The following NLGN4Y variants were observed in gnomAD, a reference collection of about 807,000 sequenced individuals.
The protein encoded by NLGN4Y is neuroligin-4, Y-linked.
In NLGN4Y, 4 loss-of-function variants were observed where a neutral mutation model predicts 8.4. The ratio of observed to expected loss-of-function variants is 0.48; its 90% CI spans 0.23 to 1.09. NLGN4Y has a LOEUF of 1.09. NLGN4Y is among the 50% of genes least tolerant of loss of function. NLGN4Y has a pLI of 0.19. For missense variants in NLGN4Y, 90 were observed against 192.3 expected, an observed-to-expected ratio of 0.47 and a Z score of 3.15; for synonymous variants, 35 against 75.6, an observed-to-expected ratio of 0.46 and a Z score of 2.78.
At chrY:14,650,285 A>G in intron 2 of NLGN4Y, among the ~76,000 whole-genome samples, 1 of 33,098 alleles carries the variant, frequency 3.0e-5, no homozygotes, top group Non-Finnish European at 7.4e-5. Context: ...GGAGTTCAAC[A>G]CCAGCCTGGG....
intron 2 of NLGN4Y, among the ~76,000 whole-genome samples, chrY:14,699,141 A>G: frequency 3.0e-5 from 1 of 32,871 alleles, no homozygotes; most frequent in South Asian, 7.0e-4. Flanking sequence ...TACTACCTAA[A>G]TACTATGTTG....
intron 4 of NLGN4Y, among the ~76,000 whole-genome samples, chrY:14,733,755 A>C (rs2080982668): frequency 3.0e-5 from 1 of 33,054 alleles, no homozygotes; most frequent in Non-Finnish European, 7.4e-5. Flanking sequence ...TCACTGCTCC[A>C]CCCCTCACAG....
At chrY:14,759,052 G>A in intron 4 of NLGN4Y, among the ~76,000 whole-genome samples, 1 of 33,346 alleles carries the variant, frequency 3.0e-5, no homozygotes, top group Non-Finnish European at 7.4e-5. Context: ...AATTTATAGA[G>A]ATAATTCAAA....
intron 6 of NLGN4Y, among the ~76,000 whole-genome samples, chrY:14,833,723 C>T (rs1456702138): frequency 8.7e-4 from 29 of 33,483 alleles, no homozygotes; most frequent in Non-Finnish European, 2.1e-3. Context: ...ACACTTGGTG[C>T]GCTGCACCCA....
At chrY:14,687,133 G>T (rs2080793727) in intron 2 of NLGN4Y, among the ~76,000 whole-genome samples, 1 of 32,809 alleles carries the variant, frequency 3.0e-5, no homozygotes, top group Non-Finnish European at 7.5e-5. Context: ...TGAGTGTTCT[G>T]AAGTGAACTA....
chrY:14,792,106 G>A (rs2042987799), intron 4 of NLGN4Y, among the ~76,000 whole-genome samples: 1 of 33,458 alleles, frequency 3.0e-5, no homozygotes. Flanking sequence ...ATCATGTAGA[G>A]ATAATGTAGG....
chrY:14,796,148 A>T, intron 4 of NLGN4Y, among the ~76,000 whole-genome samples: 1 of 33,521 alleles, frequency 3.0e-5, no homozygotes, highest in Non-Finnish European at 7.3e-5. Context: ...TCGTTAGATT[A>T]TTACAGATTT....
intron 1 of NLGN4Y, among the ~76,000 whole-genome samples, chrY:14,570,090 C>A (rs2150479720): frequency 3.0e-5 from 1 of 33,891 alleles, no homozygotes; most frequent in Non-Finnish European, 7.3e-5. Context: ...CCCAGCCAGG[C>A]CTGTCTGCCT....
intron 4 of NLGN4Y, among the ~76,000 whole-genome samples, chrY:14,808,986 C>A (rs2043067644): frequency 3.0e-5 from 1 of 33,556 alleles, no homozygotes; most frequent in Admixed American, 2.7e-4. Context: ...ACAGGATGAC[C>A]CTTGGATTCC....
chrY:14,623,482 G>C (rs2080517958), intron 2 of NLGN4Y, among the ~76,000 whole-genome samples: 1 of 33,726 alleles, frequency 3.0e-5, no homozygotes, highest in South Asian at 6.5e-4. Context: ...TGGAAAGAAA[G>C]GAAATAATTT....
chrY:14,748,900 A>AAAAG (rs1259184673), intron 4 of NLGN4Y, among the ~76,000 whole-genome samples: 24 of 12,275 alleles, frequency 2.0e-3, no homozygotes, highest in Non-Finnish European at 2.6e-3. Context: ...AAAAGAAAAA[A>AAAAG]AAAGAAAGAA....
At chrY:14,835,841 AAAG>A (rs2043196450) in intron 6 of NLGN4Y, among the ~76,000 whole-genome samples, 1 of 30,607 alleles carries the variant, frequency 3.3e-5, no homozygotes, top group Non-Finnish European at 8.0e-5. Context: ...GGGAGGAAGG[AAAG>A]AAGGAGGGAG....
intron 3 of NLGN4Y, 39 bp from the exon 4 acceptor site, chrY:14,723,078 G>A: frequency 2.6e-6 from 1 of 379,873 alleles, no homozygotes; most frequent in Non-Finnish European, 3.7e-6. Flanking sequence ...GAGCCAGTAA[G>A]ATTCTTTACT....
chrY:14,589,856 C>T (rs1016520320), intron 1 of NLGN4Y, among the ~76,000 whole-genome samples: 5 of 34,241 alleles, frequency 1.5e-4, no homozygotes, highest in Admixed American at 1.3e-3. Context: ...TGGGGAGGCT[C>T]GGGCCGCACA....
intron 1 of NLGN4Y, among the ~76,000 whole-genome samples, chrY:14,537,018 G>T (rs1049032383): frequency 5.9e-5 from 2 of 33,817 alleles, no homozygotes; most frequent in Non-Finnish European, 1.5e-4. Flanking sequence ...AACAGCTTAT[G>T]CAAAAACAAA....
chrY:14,644,634 G>A (rs970075417), intron 2 of NLGN4Y, among the ~76,000 whole-genome samples: 2 of 32,990 alleles, frequency 6.1e-5, no homozygotes, highest in African/African-American at 2.4e-4. Context: ...AAGCTCAACC[G>A]GGACAAGTGT....
In NLGN4Y at chrY:14,598,252, T is replaced by C. The variant is rs1603500982; in HGVS notation, c.-111-23757T>C. Among the ~76,000 whole-genome samples, 21 of 34,460 alleles carry C rather than the reference T, an allele frequency of 6.1e-4. No individual in the cohort carries two copies. In the South Asian group the frequency reaches 0.013, roughly 22 times the overall value. The allele number at this position is 34,460 out of a possible 37,273, so 92.5% of individuals were successfully genotyped here. Reference sequence around the variant, plus strand: ...ACTGGGTGCCGTGGAGCAGGGTTGGTGCTCGTCGGGGAGGCTCGGGCCACA... The same window carrying C: ...ACTGGGTGCCGTGGAGCAGGGTTGGCGCTCGTCGGGGAGGCTCGGGCCACA... On this transcript the variant is annotated intron_variant, in intron 1 of 6. Coordinates refer to ENST00000684976, the MANE Select transcript of NLGN4Y (RefSeq NM_001365588.1).
chrY:14,806,991 A>T (rs746801687), intron 4 of NLGN4Y, among the ~76,000 whole-genome samples: 2 of 33,341 alleles, frequency 6.0e-5, no homozygotes, highest in East Asian at 1.5e-3. Flanking sequence ...TAAAAGGAAG[A>T]TGAGCGTTAT....
At chrY:14,771,547 G>A (rs2081108237) in intron 4 of NLGN4Y, among the ~76,000 whole-genome samples, 1 of 32,980 alleles carries the variant, frequency 3.0e-5, no homozygotes, top group African/African-American at 1.2e-4. Flanking sequence ...GCACCTGAAG[G>A]AAGCACTAAA....
Sources: allele counts gnomAD v4.1 joint callset (sites outside exome capture counted in the v4.1 genomes callset), GRCh38; gene constraint gnomAD v4.1.1; transcripts MANE v1.5; gene names NCBI Gene and HGNC (gene_info 2026-07-23, HGNC 2026-07-21).